SH3GL1: variants seen among roughly 807,000 people sequenced by gnomAD.
The protein encoded by SH3GL1 is SH3 domain containing GRB2 like 1, endophilin A2.
SH3GL1 carries 21 observed loss-of-function variants against 48.8 expected under a neutral mutation model. That is an observed-to-expected ratio of 0.43 (90% CI 0.30 to 0.62). The LOEUF (loss-of-function observed/expected upper bound fraction) is 0.62. Among genes scored for constraint, SH3GL1 ranks in the 20% least tolerant of loss-of-function variants. SH3GL1 has a pLI of 0.11. For synonymous variants in SH3GL1, 282 were observed against 217.5 expected (o/e 1.30, Z -2.61); for missense variants, 454 against 503.0 (o/e 0.90, Z 0.93).
At chr19:4,365,966 C>T (rs943638912) in intron 3 of SH3GL1, among the ~76,000 whole-genome samples, 4 of 152,140 alleles carry the variant, frequency 2.6e-5, no homozygotes, top group Admixed American at 6.5e-5. Flanking sequence ...GGCCAAGGCT[C>T]CCGGGGTGGG....
chr19:4,375,748 TCA>T (rs1431256622), intron 1 of SH3GL1, among the ~76,000 whole-genome samples: 1 of 152,158 alleles, frequency 6.6e-6, no homozygotes, highest in Non-Finnish European at 1.5e-5. Flanking sequence ...ACTGGTAAAA[TCA>T]GTTTCCGATG....
intron 7 of SH3GL1, 127 bp from the exon 8 acceptor site, chr19:4,362,863 A>C: frequency 4.1e-6 from 6 of 1,452,242 alleles, no homozygotes; most frequent in Non-Finnish European, 5.7e-6. Flanking sequence ...TGGGGTTGTG[A>C]CACATGGACC....
chr19:4,362,474 T>C, intron 8 of SH3GL1, 89 bp from the exon 9 acceptor site: 1 of 1,571,346 alleles, frequency 6.4e-7, no homozygotes, highest in South Asian at 1.1e-5. Flanking sequence ...CCTTCCCGTC[T>C]GCCTTGGCGG....
At chr19:4,374,876 A>C (rs984845362) in intron 1 of SH3GL1, among the ~76,000 whole-genome samples, 1 of 152,088 alleles carries the variant, frequency 6.6e-6, no homozygotes, top group Non-Finnish European at 1.5e-5. Flanking sequence ...TATGGGGCCT[A>C]GGCTGGCCAG....
Position 4,374,691 on chromosome 19 carries a change from G to A in SH3GL1, c.46-7697C>T, listed in dbSNP as rs1339327932. 2.0e-5 allele frequency among the ~76,000 whole-genome samples: 3 copies of A among 152,338 alleles called. No individual in the cohort carries two copies. In the East Asian group the frequency reaches 5.8e-4, roughly 29 times the overall value. Reference sequence around the variant, plus strand: ...CGCATGCTGCCCTTCCCGTGCTGTGGCCTTGCAGCCCGGCCTCTCCCCTGC... The same window carrying A: ...CGCATGCTGCCCTTCCCGTGCTGTGACCTTGCAGCCCGGCCTCTCCCCTGC... On this transcript the variant is annotated intron_variant, in intron 1 of 9. Transcript: ENST00000269886.
chr19:4,383,431 A>G (rs1568418026), intron 1 of SH3GL1, among the ~76,000 whole-genome samples: 1 of 151,306 alleles, frequency 6.6e-6, no homozygotes, highest in Non-Finnish European at 1.5e-5. Flanking sequence ...ACGGGGTTTC[A>G]CTTTGTTGCC....
At chr19:4,366,060 CCT>C (rs768371209) in intron 3 of SH3GL1, among the ~76,000 whole-genome samples, 240 of 152,288 alleles carry the variant, frequency 1.6e-3, no homozygotes, top group Non-Finnish European at 2.9e-3. Context: ...GCGTCTGCCC[CCT>C]GTCCGTGGCC....
chr19:4,363,359 C>G lies in SH3GL1; in HGVS notation c.728+11G>C, dbSNP rs779132034. The G allele has an allele frequency of 9.9e-5, 157 of 1,585,466 alleles. No homozygotes were observed. Among genetic ancestry groups the G allele is most frequent in the Non-Finnish European group, 1.3e-4 (156 of 1,166,146 alleles). On this transcript the variant is annotated intron_variant, in intron 7 of 9. Transcript: ENST00000269886. ...GCCCAGACTCTGGAGAGACCAAGGCCCTGGGCTCACCTGCGCTTGAGCTTC... is the reference window on the plus strand; with the variant it reads ...GCCCAGACTCTGGAGAGACCAAGGCGCTGGGCTCACCTGCGCTTGAGCTTC...
At chr19:4,395,579 A>C (rs1248899800) in intron 1 of SH3GL1, 1 of 152,212 alleles carries the variant, frequency 6.6e-6, no homozygotes, top group African/African-American at 2.4e-5. Flanking sequence ...TGGTTGCCAC[A>C]ATACGTATAT....
At chr19:4,393,715 G>A (rs186938489) in intron 1 of SH3GL1, among the ~76,000 whole-genome samples, 92 of 151,496 alleles carry the variant, frequency 6.1e-4, no homozygotes, top group Non-Finnish European at 8.7e-4. Context: ...GCTTGAACCC[G>A]GGAGGCAGAG....
rs779470658 is a variant in SH3GL1, at chr19:4,363,474, CTG to C, written c.625-3_625-2del. 2 of 1,611,296 alleles carry C rather than the reference CTG, an allele frequency of 1.2e-6. No homozygotes were observed. The highest frequency in any genetic ancestry group is 8.5e-7 in the Non-Finnish European group (1 of 1,178,900). On this transcript the variant is annotated splice_acceptor_variant and splice_polypyrimidine_tract_variant and intron_variant, in intron 6 of 9. Transcript: ENST00000269886. LOFTEE classifies it high-confidence loss of function. ...CCGAGAGCTGACTCACCTGCTCGAT[CTG>C]TGGGGACAGTAGGGCTCAGGGGCTC...
At chr19:4,377,679 CCCT>C (rs1973036896) in intron 1 of SH3GL1, among the ~76,000 whole-genome samples, 1 of 152,234 alleles carries the variant, frequency 6.6e-6, no homozygotes, top group Non-Finnish European at 1.5e-5. Flanking sequence ...CACTCCTGCC[CCCT>C]CGCCAGGTCA....
chr19:4,362,184 G>A (rs1972636150), intron 9 of SH3GL1, 145 bp downstream of exon 9: 2 of 853,518 alleles, frequency 2.3e-6, no homozygotes. Context: ...CATCTTGCAG[G>A]CTGTGGGGCC....
At chr19:4,366,265 G>C (rs1015271714) in intron 3 of SH3GL1, among the ~76,000 whole-genome samples, 1 of 152,190 alleles carries the variant, frequency 6.6e-6, no homozygotes, top group Non-Finnish European at 1.5e-5. Context: ...GGGGTTGAAG[G>C]CTGGGACGGC....
At chr19:4,373,228 T>A (rs1374113621) in intron 1 of SH3GL1, among the ~76,000 whole-genome samples, 5 of 151,992 alleles carry the variant, frequency 3.3e-5, no homozygotes, top group Non-Finnish European at 7.4e-5. Context: ...AGAAACCCAC[T>A]CCCCAGCCCA....
At position 4,361,300 on chromosome 19, in the gene SH3GL1, G is replaced by A. The variant is rs1172585308; in HGVS notation, c.*300C>T. ...TCTAAGAGCACCTTAGTGTTGCCCC[G>A]CCTCGGCCAGCTGGGCGAGAAGTTG... On this transcript the variant is annotated 3_prime_UTR_variant, in exon 10 of 10. Transcript: ENST00000269886. The A allele has an allele frequency of 1.3e-5, 6 of 479,184 alleles. No individual in the cohort carries two copies. The highest frequency in any genetic ancestry group is 3.7e-5 in the East Asian group (1 of 27,252). The allele number at this position is 479,184 out of a possible 1,614,324, so 29.7% of individuals were successfully genotyped here.
intron 1 of SH3GL1, among the ~76,000 whole-genome samples, chr19:4,371,347 C>T (rs7252383): frequency 0.022 from 3,321 of 152,316 alleles, 124 homozygotes; most frequent in African/African-American, 0.076. Context: ...GCCCTGTGCC[C>T]GGCAGGCACA....
At chr19:4,366,047 T>A (rs905703441) in intron 3 of SH3GL1, among the ~76,000 whole-genome samples, 1 of 152,078 alleles carries the variant, frequency 6.6e-6, no homozygotes, top group African/African-American at 2.4e-5. Flanking sequence ...CACTGCTGGG[T>A]GTGCGTCTGC....
intron 1 of SH3GL1, among the ~76,000 whole-genome samples, chr19:4,397,047 C>T (rs938464010): frequency 6.6e-6 from 1 of 151,966 alleles, no homozygotes; most frequent in African/African-American, 2.4e-5. Context: ...TGAGAGATCC[C>T]GAGAGATGTC....
Sources: gnomAD v4.1 joint callset for allele counts (sites outside exome capture counted in the v4.1 genomes callset) on GRCh38, gnomAD v4.1.1 for gene constraint, MANE v1.5 for transcripts, NCBI Gene and HGNC (gene_info 2026-07-23, HGNC 2026-07-21) for gene names.